Variants in GID4 observed in about 807,000 individuals in gnomAD.
GID4 encodes the protein glucose-induced degradation protein 4 homolog.
GID4 carries 7 observed loss-of-function variants against 32.4 expected under a neutral mutation model. That is an observed-to-expected ratio of 0.22 (90% CI 0.12 to 0.41). GID4 has a LOEUF of 0.41. Ranked by LOEUF, GID4 falls within the 10% of genes least tolerant of loss-of-function variation. The pLI is 1.00. For synonymous variants in GID4, 166 were observed against 170.0 expected (o/e 0.98, Z 0.18); for missense variants, 309 against 400.0 (o/e 0.77, Z 1.94).
At chr17:18,064,521 G>A (rs1028388786) in intron 5 of GID4, among the ~76,000 whole-genome samples, 8 of 152,096 alleles carry the variant, frequency 5.3e-5, no homozygotes, top group African/African-American at 1.9e-4. Flanking sequence ...CAACTTGCTA[G>A]ACATTGACTC....
In GID4 at chr17:18,065,375, A is replaced by G; in HGVS notation, c.*132A>G. On this transcript the variant is annotated 3_prime_UTR_variant, in exon 6 of 6. Transcript: ENST00000268719. ...CACGAGCAGACTCGCATCACAAAGC[A>G]TGAATGTTAACCCACAGAATCCAAG... is the stretch of plus-strand genomic sequence containing the variant. 1.4e-6 allele frequency: 1 copy of G among 722,602 alleles called. No homozygotes were observed. Among genetic ancestry groups the G allele is most frequent in the Non-Finnish European group, 2.4e-6 (1 of 411,268 alleles). 44.8% of individuals were successfully genotyped at this position (722,602 alleles called of 1,614,324 possible).
intron 5 of GID4, among the ~76,000 whole-genome samples, chr17:18,063,134 G>A (rs764703547): frequency 6.1e-5 from 9 of 148,594 alleles, no homozygotes; most frequent in South Asian, 4.3e-4. Flanking sequence ...GCTTTGGTCC[G>A]GGCACAGTAG....
intron 2 of GID4, among the ~76,000 whole-genome samples, chr17:18,046,687 T>C (rs12940282): frequency 0.59 from 90,119 of 151,556 alleles, 27,906 homozygotes; most frequent in Non-Finnish European, 0.68. Context: ...TTTGGGAGGC[T>C]GAGGTGGATG....
chr17:18,045,750 C>T (rs935955848), intron 2 of GID4, among the ~76,000 whole-genome samples: 11 of 151,696 alleles, frequency 7.3e-5, no homozygotes, highest in South Asian at 6.2e-4. Context: ...AAAAATTAGC[C>T]GGGCATGGTG....
In GID4 at chr17:18,058,862, T is replaced by A; in HGVS notation, c.607-6T>A. 4 of 1,586,166 alleles carry A rather than the reference T, an allele frequency of 2.5e-6. No homozygotes were observed. The highest frequency in any genetic ancestry group is 3.5e-6 in the Non-Finnish European group (4 of 1,154,730). ...TCAATCGGCACACTCTCTTTTCTGCTTTCAGGGCAAGTTTCTGGCTTTTTA... is the reference window on the plus strand; with the variant it reads ...TCAATCGGCACACTCTCTTTTCTGCATTCAGGGCAAGTTTCTGGCTTTTTA... On this transcript the variant is annotated splice_polypyrimidine_tract_variant and splice_region_variant and intron_variant, in intron 3 of 5. Transcript: ENST00000268719.
intron 1 of GID4, among the ~76,000 whole-genome samples, chr17:18,042,285 A>G (rs2044810578): frequency 6.6e-6 from 1 of 152,204 alleles, no homozygotes; most frequent in African/African-American, 2.4e-5. Context: ...TCATCACCCC[A>G]AAAGGAAACC....
Position 18,039,796 on chromosome 17 carries a change from A to G in GID4, c.332A>G (p.Asn111Ser), listed in dbSNP as rs1010568648. 1.3e-6 allele frequency: 2 copies of G among 1,576,410 alleles called. No homozygotes were observed. Among genetic ancestry groups the G allele is most frequent in the African/African-American group, 1.4e-5 (1 of 71,620 alleles). ...TCACTCATCCCGCCGCCGCCCATCA[A>G]CACCCAGCAGCCCGGCGTGGCCACC... ...AASLIPPPPI[N>S]TQQPGVATSL... Residue 111 changes from asparagine (N) to serine (S), a missense_variant, in exon 1 of 6, where the codon AAC becomes AGC. This residue lies in a region of GID4 where 193 missense variants were observed against 185.8 expected (regional missense o/e 1.04). Coordinates refer to ENST00000268719, the MANE Select transcript of GID4 (RefSeq NM_024052.5). The surrounding 1 kb of genome is among the most constrained non-coding windows in gnomAD (Gnocchi z 5.3).
chr17:18,044,217 A>AT (rs2044830450), intron 1 of GID4, among the ~76,000 whole-genome samples: 2 of 152,196 alleles, frequency 1.3e-5, no homozygotes, highest in African/African-American at 4.8e-5. Flanking sequence ...AGACTTACAC[A>AT]TCTGATGAGC....
intron 2 of GID4, among the ~76,000 whole-genome samples, chr17:18,048,589 G>C (rs762284985): frequency 6.6e-6 from 1 of 152,100 alleles, no homozygotes; most frequent in Non-Finnish European, 1.5e-5. Context: ...TTTTGTACCT[G>C]TATTTGGGTT....
Position 18,039,556 on chromosome 17 carries a change from G to C in GID4, c.92G>C (p.Arg31Pro), listed in dbSNP as rs971226127. 49 of 1,304,704 alleles carry C rather than the reference G, an allele frequency of 3.8e-5. No homozygotes were observed. The highest frequency in any genetic ancestry group is 4.7e-5 in the Non-Finnish European group (48 of 1,031,110). The allele number at this position is 1,304,704 out of a possible 1,614,324, so 80.8% of individuals were successfully genotyped here. ...CCTGGGTCCCGGTGGCGGCCGGAGC[G>C]CTTGCTCCGCAGGCAGCGGGCGGGT... ...QVPGSRWRPERLLRRQRAGGR... is the reference protein window; with the variant it reads ...QVPGSRWRPEPLLRRQRAGGR... Residue 31 changes from arginine (R) to proline (P), a missense_variant, in exon 1 of 6, where the codon CGC (arginine) becomes CCC (proline). Physicochemically the swap from Arg to Pro is moderately radical, Grantham distance 103. Coordinates refer to ENST00000268719, the MANE Select transcript of GID4 (RefSeq NM_024052.5). The surrounding 1 kb of genome is among the most constrained non-coding windows in gnomAD (Gnocchi z 5.3).
intron 3 of GID4, chr17:18,057,248 A>AG (rs1362639967): frequency 2.8e-5 from 14 of 496,418 alleles, no homozygotes; most frequent in Non-Finnish European, 5.0e-5. Context: ...CCTGGCCAAC[A>AG]TGGTGAAACC....
At chr17:18,052,030 T>C (rs6502634) in intron 2 of GID4, among the ~76,000 whole-genome samples, 89,246 of 149,858 alleles carry the variant, frequency 0.6, 27,683 homozygotes, top group Non-Finnish European at 0.68. Flanking sequence ...GCCGAGATCG[T>C]GCCACTGCAT....
intron 1 of GID4, among the ~76,000 whole-genome samples, chr17:18,044,778 C>T (rs901102481): frequency 6.6e-6 from 1 of 152,186 alleles, no homozygotes; most frequent in South Asian, 2.1e-4. Context: ...TTAGGGATGA[C>T]ACCACGTGTA....
intron 2 of GID4, among the ~76,000 whole-genome samples, chr17:18,050,849 TTATTCATTTCTCGA>T (rs1285433183): frequency 6.6e-6 from 1 of 152,172 alleles, no homozygotes; most frequent in African/African-American, 2.4e-5. Flanking sequence ...GCTGCCTCTG[TTATTCATTTCTCGA>T]TATCCTTTCT....
intron 2 of GID4, among the ~76,000 whole-genome samples, chr17:18,050,899 A>G (rs574954366): frequency 1.3e-5 from 2 of 152,322 alleles, no homozygotes; most frequent in South Asian, 2.1e-4. Context: ...CGTCCGCTCT[A>G]TAAATTACCC....
intron 5 of GID4, among the ~76,000 whole-genome samples, chr17:18,063,217 C>T (rs2045031975): frequency 6.6e-6 from 1 of 151,882 alleles, no homozygotes; most frequent in African/African-American, 2.4e-5. Flanking sequence ...CGACACCAGC[C>T]TGGCCAATAT....
rs191537184 is a variant in GID4 at position 18,065,996 on chromosome 17, G to C, written c.*753G>C. The C allele has an allele frequency of 6.6e-6, 1 of 152,316 alleles. No homozygotes were observed. Among genetic ancestry groups the C allele is most frequent in the Non-Finnish European group, 1.5e-5 (1 of 68,026 alleles). 9.4% of individuals were successfully genotyped at this position (152,316 alleles called of 1,614,324 possible). The stretch of plus-strand genomic sequence containing the variant: ...ACATTTGCTCCAAACTTTTCAACTT[G>C]AGGGCAATACTAAACTTAAAAATAA... On this transcript the variant is annotated 3_prime_UTR_variant, in exon 6 of 6. Coordinates refer to ENST00000268719, the MANE Select transcript of GID4 (RefSeq NM_024052.5).
chr17:18,048,417 C>T (rs577677782), intron 2 of GID4, among the ~76,000 whole-genome samples: 10 of 152,310 alleles, frequency 6.6e-5, no homozygotes, highest in African/African-American at 2.4e-4. Context: ...TGGTCTCGAA[C>T]TCCTGACCTC....
intron 5 of GID4, among the ~76,000 whole-genome samples, chr17:18,064,513 A>G (rs901182248): frequency 6.6e-6 from 1 of 152,158 alleles, no homozygotes; most frequent in Non-Finnish European, 1.5e-5. Context: ...GGGAGAGCCA[A>G]CTTGCTAGAC....
Sources: allele counts gnomAD v4.1 joint callset (sites outside exome capture counted in the v4.1 genomes callset), GRCh38; gene constraint gnomAD v4.1.1; regional missense constraint gnomAD v4.1.1; non-coding constraint Gnocchi (gnomAD v3.1); transcripts MANE v1.5; gene names NCBI Gene and HGNC (gene_info 2026-07-23, HGNC 2026-07-21).